The following CALN1 variants were observed in gnomAD, a reference collection of about 807,000 sequenced individuals.
CALN1 encodes calcium-binding protein 8.
In CALN1, 17 loss-of-function variants were observed where a neutral mutation model predicts 30.6. The observed-to-expected ratio is 0.56, with a 90% CI of 0.38 to 0.83. The LOEUF (loss-of-function observed/expected upper bound fraction) is 0.83, where lower values mean the gene tolerates loss of function less well. Among genes scored for constraint, CALN1 ranks in the 40% least tolerant of loss-of-function variants. The pLI, the probability that CALN1 is intolerant of heterozygous loss-of-function variation, is 0.00. For synonymous variants in CALN1, 156 were observed against 131.4 expected, an observed-to-expected ratio of 1.19 and a Z score of -1.28; for missense variants, 291 against 354.9, an observed-to-expected ratio of 0.82 and a Z score of 1.45.
chr7:72,369,762 A>T (rs1201241261), intron 2 of CALN1, among the ~76,000 whole-genome samples: 1 of 152,194 alleles, frequency 6.6e-6, no homozygotes, highest in Non-Finnish European at 1.5e-5. Context: ...GTCTGGCTTC[A>T]TCTCAGCATA....
At chr7:72,221,002 A>G (rs1326582831) in intron 3 of CALN1, among the ~76,000 whole-genome samples, 15 of 151,880 alleles carry the variant, frequency 9.9e-5, no homozygotes, top group African/African-American at 3.4e-4. Context: ...TTGCCTGTTC[A>G]CTCTGATGGT....
intron 5 of CALN1, among the ~76,000 whole-genome samples, chr7:71,879,039 C>CA (rs1159128177): frequency 1.3e-5 from 2 of 152,132 alleles, no homozygotes; most frequent in Non-Finnish European, 2.9e-5. Flanking sequence ...GACCATAGCA[C>CA]AGAACATTTT....
chr7:72,146,439 T>G (rs1786736384), intron 3 of CALN1, among the ~76,000 whole-genome samples: 1 of 152,144 alleles, frequency 6.6e-6, no homozygotes, highest in Non-Finnish European at 1.5e-5. Context: ...CAAGGAGAAC[T>G]ACAAACCACT....
At chr7:71,927,782 T>C (rs1795342882) in intron 5 of CALN1, among the ~76,000 whole-genome samples, 1 of 152,156 alleles carries the variant, frequency 6.6e-6, no homozygotes, top group South Asian at 2.1e-4. Flanking sequence ...CCCTAAGTCT[T>C]GCAGATCAGG....
intron 5 of CALN1, among the ~76,000 whole-genome samples, chr7:71,921,645 G>A (rs556504330): frequency 6.6e-6 from 1 of 152,216 alleles, no homozygotes; most frequent in East Asian, 1.9e-4. Context: ...AATAAACTAT[G>A]TAAAAAAGAA....
In CALN1 at chr7:72,256,058, G is replaced by A. The variant is rs561463221; in HGVS notation, c.244+22628C>T. Among the ~76,000 whole-genome samples, 83 of 152,292 alleles carry A rather than the reference G, an allele frequency of 5.5e-4. 1 individual carries two copies. Among genetic ancestry groups the A allele is most frequent in the Admixed American group, 4.8e-3 (73 of 15,294 alleles). ...AAATATTCTTTAAGGAGAGATATAC[G>A]GAAGCGATGGGCACTTTTCAAGATT... On this transcript the variant is annotated intron_variant, in intron 3 of 6. Coordinates refer to ENST00000395275, the MANE Select transcript of CALN1 (RefSeq NM_031468.4).
At chr7:71,866,222 T>C (rs1791579219) in intron 5 of CALN1, among the ~76,000 whole-genome samples, 3 of 151,942 alleles carry the variant, frequency 2.0e-5, no homozygotes, top group African/African-American at 7.2e-5. Flanking sequence ...TTAGCCAGGA[T>C]GGTCTAGATC....
At chr7:72,408,099 TAATC>T (rs1354855527) in intron 1 of CALN1, among the ~76,000 whole-genome samples, 1 of 151,964 alleles carries the variant, frequency 6.6e-6, no homozygotes, top group Non-Finnish European at 1.5e-5. Context: ...AACACACATT[TAATC>T]AATGCCAGTT....
chr7:72,490,811 G>C, the CALN1 span, among the ~76,000 whole-genome samples: 2 of 152,184 alleles, frequency 1.3e-5, no homozygotes, highest in South Asian at 4.1e-4. Flanking sequence ...TGTACAGCTT[G>C]CAGAACTATG....
chr7:72,346,373 T>C (rs1802641321), intron 2 of CALN1, among the ~76,000 whole-genome samples: 1 of 152,148 alleles, frequency 6.6e-6, no homozygotes, highest in Non-Finnish European at 1.5e-5. Context: ...TAAAAAAATA[T>C]TTATTTTCTT....
At chr7:72,363,521 G>A (rs1484656026) in intron 2 of CALN1, among the ~76,000 whole-genome samples, 1 of 152,062 alleles carries the variant, frequency 6.6e-6, no homozygotes, top group Non-Finnish European at 1.5e-5. Flanking sequence ...TTACAGGTGT[G>A]AGCCACTGCA....
chr7:72,491,226 C>CAA, the CALN1 span, among the ~76,000 whole-genome samples: 7 of 132,164 alleles, frequency 5.3e-5, no homozygotes, highest in African/African-American at 8.4e-5. Context: ...GACTCCGTCT[C>CAA]AAAAAAAAAA....
intron 5 of CALN1, among the ~76,000 whole-genome samples, chr7:71,880,587 G>A (rs1235147059): frequency 2.0e-5 from 3 of 151,834 alleles, no homozygotes; most frequent in Non-Finnish European, 4.4e-5. Flanking sequence ...TCTCTCCCCC[G>A]AATTCTAGAC....
At chr7:72,029,258 C>T (rs1801285381) in intron 4 of CALN1, among the ~76,000 whole-genome samples, 1 of 151,996 alleles carries the variant, frequency 6.6e-6, no homozygotes, top group South Asian at 2.1e-4. Flanking sequence ...TCCTGAGTAG[C>T]CCACCACCAC....
intron 5 of CALN1, among the ~76,000 whole-genome samples, chr7:71,954,627 G>C (rs1028045166): frequency 6.6e-6 from 1 of 152,234 alleles, no homozygotes; most frequent in Non-Finnish European, 1.5e-5. Flanking sequence ...ACTCCAGCTT[G>C]AGTGACAGAG....
At chr7:72,400,159 A>T (rs942912561) in intron 2 of CALN1, among the ~76,000 whole-genome samples, 1 of 152,018 alleles carries the variant, frequency 6.6e-6, no homozygotes, top group African/African-American at 2.4e-5. Context: ...GGGGGTGAGG[A>T]GGCACCCCGC....
At chr7:71,948,751 T>C (rs1340414687) in intron 5 of CALN1, among the ~76,000 whole-genome samples, 2 of 141,462 alleles carry the variant, frequency 1.4e-5, no homozygotes, top group Non-Finnish European at 3.1e-5. Flanking sequence ...AAAATAATAA[T>C]TTGTTTTCAG....
chr7:72,131,092 T>C (rs1047892906), intron 3 of CALN1, among the ~76,000 whole-genome samples: 12 of 152,098 alleles, frequency 7.9e-5, no homozygotes, highest in African/African-American at 2.2e-4. Flanking sequence ...CTGAGTGAGA[T>C]CTGTTTCTGC....
At chr7:72,315,401 T>A (rs1442237154) in intron 2 of CALN1, among the ~76,000 whole-genome samples, 5 of 152,184 alleles carry the variant, frequency 3.3e-5, no homozygotes, top group African/African-American at 4.8e-5. Flanking sequence ...TGCTCACTTA[T>A]AATCTCAGAA....
Sources: gnomAD v4.1 joint callset for allele counts (sites outside exome capture counted in the v4.1 genomes callset) on GRCh38, gnomAD v4.1.1 for gene constraint, MANE v1.5 for transcripts, NCBI Gene and HGNC (gene_info 2026-07-23, HGNC 2026-07-21) for gene names.